The following NECTIN2 variants were observed in gnomAD, a reference collection of about 807,000 sequenced individuals.
NECTIN2 encodes nectin-2.
NECTIN2 carries 23 observed loss-of-function variants against 56.9 expected under a neutral mutation model. The ratio of observed to expected loss-of-function variants is 0.40; its 90% CI spans 0.29 to 0.57. NECTIN2 has a LOEUF of 0.57. NECTIN2 is among the 20% of genes least tolerant of loss of function. The probability of loss-of-function intolerance (pLI) is 0.38; values close to 1 mark genes in which losing one functional copy is unlikely to be tolerated. For missense variants in NECTIN2, 587 were observed against 718.3 expected (o/e 0.82, Z 2.09); for synonymous variants, 302 against 313.8 (o/e 0.96, Z 0.40).
At position 44,882,373 on chromosome 19, in the gene NECTIN2, T is replaced by C. The variant is rs778315475; in HGVS notation, c.1196+9T>C. The C allele has an allele frequency of 5.7e-6, 8 of 1,408,934 alleles. No homozygotes were observed. The highest frequency in any genetic ancestry group is 4.7e-6 in the Non-Finnish European group (5 of 1,067,520). 87.3% of individuals were successfully genotyped at this position (1,408,934 alleles called of 1,614,324 possible). A position where few individuals can be genotyped will look rare whatever the true frequency, so the allele number is the denominator to read the frequency against. ...GCAGAGGAGGACGAAGAGTAAGTGA[T>C]GGGCCCTGAGACGGGGATGGGAGAG... On this transcript the variant is annotated intron_variant, in intron 6 of 8. Coordinates refer to ENST00000252483, the MANE Select transcript of NECTIN2 (RefSeq NM_001042724.2).
At chr19:44,857,734 A>T in intron 1 of NECTIN2, among the ~76,000 whole-genome samples, 1 of 139,128 alleles carries the variant, frequency 7.2e-6, no homozygotes, top group Non-Finnish European at 1.5e-5. Context: ...TAAGAGATGA[A>T]GTCTCACTAT....
intron 1 of NECTIN2, among the ~76,000 whole-genome samples, chr19:44,859,366 C>T (rs553674281): frequency 6.6e-6 from 1 of 152,160 alleles, no homozygotes; most frequent in Non-Finnish European, 1.5e-5. Flanking sequence ...TATTATTAAC[C>T]TCACATCACA....
At chr19:44,885,404 C>A (rs185265870) in intron 6 of NECTIN2, among the ~76,000 whole-genome samples, 1 of 151,232 alleles carries the variant, frequency 6.6e-6, no homozygotes, top group Non-Finnish European at 1.5e-5. Context: ...CTCTGCCTCC[C>A]GAGTTCAAGC....
Position 44,880,475 on chromosome 19 carries a change from CTTTTTTTTTTTTT to C in NECTIN2, c.1043-1718_1043-1706del, listed in dbSNP as rs4013742. On this transcript the variant is annotated intron_variant, in intron 5 of 8. Coordinates refer to ENST00000252483, the MANE Select transcript of NECTIN2 (RefSeq NM_001042724.2). ...TTCTCGACCCCTTTTCCTGTCTTGC[CTTTTTTTTTTTTT>C]TTTTTTTTTTTTTTTTTGAGACGGT... 1.3e-3 allele frequency among the ~76,000 whole-genome samples: 90 copies of C among 68,876 alleles called. 2 individuals are homozygous for C. In the East Asian group the frequency reaches 0.029, roughly 22 times the overall value. The allele number at this position is 68,876 out of a possible 152,430, so 45.2% of individuals were successfully genotyped here. A position where few individuals can be genotyped will look rare whatever the true frequency, so the allele number is the denominator to read the frequency against.
chr19:44,853,638 G>A (rs12971462), intron 1 of NECTIN2, among the ~76,000 whole-genome samples: 30,816 of 151,378 alleles, frequency 0.2, 3,255 homozygotes, highest in Middle Eastern at 0.24. Context: ...ACGGGGGCCC[G>A]CCACCACGCC....
At chr19:44,871,264 C>T (rs952016888) in intron 2 of NECTIN2, among the ~76,000 whole-genome samples, 2 of 152,108 alleles carry the variant, frequency 1.3e-5, no homozygotes, top group Non-Finnish European at 1.5e-5. Context: ...CCAGGCCAGG[C>T]GCCTGTAACC....
At chr19:44,885,409 T>G (rs887240441) in intron 6 of NECTIN2, among the ~76,000 whole-genome samples, 1 of 151,368 alleles carries the variant, frequency 6.6e-6, no homozygotes, top group Non-Finnish European at 1.5e-5. Context: ...CCTCCCGAGT[T>G]CAAGCGATTC....
chr19:44,878,880 T>A, intron 5 of NECTIN2: 1 of 1,294,380 alleles, frequency 7.7e-7, no homozygotes, highest in Admixed American at 3.6e-5. Flanking sequence ...TGGTTTTGGC[T>A]CCAGCCTTCC....
chr19:44,868,351 CAAA>C (rs569384558), intron 2 of NECTIN2, among the ~76,000 whole-genome samples: 6 of 80,758 alleles, frequency 7.4e-5, no homozygotes, highest in Admixed American at 2.5e-4. Flanking sequence ...GACCCTGTCT[CAAA>C]AAAAAAAAAA....
In NECTIN2 at chr19:44,888,324, C is replaced by T; in HGVS notation, c.1562C>T (p.Pro521Leu). ...PIYDALSYSS[P>L]SDSYQGKGFV... The stretch of plus-strand genomic sequence containing the variant: ...TATGATGCTCTGTCCTATAGCAGCC[C>T]CTCTGATTCCTACCAGGGCAAAGGC... The change falls in exon 9 of 9, where the codon CCC becomes CTC. Residue 521 changes from proline to leucine, a missense_variant. Physicochemically the swap from Pro to Leu is moderately conservative, Grantham distance 98 (BLOSUM62 -3). Coordinates refer to ENST00000252483, the MANE Select transcript of NECTIN2 (RefSeq NM_001042724.2). 10 of 1,613,876 alleles carry T rather than the reference C, an allele frequency of 6.2e-6. No homozygotes were observed. Among genetic ancestry groups the T allele is most frequent in the Non-Finnish European group, 8.5e-6 (10 of 1,179,844 alleles).
intron 1 of NECTIN2, among the ~76,000 whole-genome samples, chr19:44,863,956 A>G (rs535995756): frequency 6.6e-6 from 1 of 151,784 alleles, no homozygotes; most frequent in African/African-American, 2.4e-5. Flanking sequence ...CAGCCTTTAA[A>G]TGTTTTAAAA....
At chr19:44,883,326 G>A (rs1419764832) in intron 6 of NECTIN2, among the ~76,000 whole-genome samples, 1 of 151,654 alleles carries the variant, frequency 6.6e-6, no homozygotes, top group Non-Finnish European at 1.5e-5. Context: ...CCTGGCTGGA[G>A]TGCCAAGGCG....
At chr19:44,857,707 T>G in intron 1 of NECTIN2, among the ~76,000 whole-genome samples, 1 of 117,086 alleles carries the variant, frequency 8.5e-6, no homozygotes, top group African/African-American at 3.4e-5. Context: ...GGGTTTTTGT[T>G]TTTGTTTTTT....
intron 2 of NECTIN2, among the ~76,000 whole-genome samples, chr19:44,868,111 C>T (rs1969123743): frequency 1.3e-5 from 2 of 151,806 alleles, no homozygotes; most frequent in Admixed American, 6.6e-5. Flanking sequence ...CCTGTAATCC[C>T]AGCACTTTAG....
chr19:44,887,712 C>G (rs929624590), intron 8 of NECTIN2, among the ~76,000 whole-genome samples: 4 of 152,130 alleles, frequency 2.6e-5, no homozygotes, highest in African/African-American at 9.7e-5. Flanking sequence ...GTGCCTGAAG[C>G]TGGGACAAGA....
At chr19:44,864,011 T>C (rs1032245064) in intron 1 of NECTIN2, among the ~76,000 whole-genome samples, 2 of 50,322 alleles carry the variant, frequency 4.0e-5, no homozygotes, top group African/African-American at 1.1e-4. Context: ...TTTCAGAGGA[T>C]TCCCCCCCCC....
chr19:44,874,465 C>A lies in NECTIN2; in HGVS notation c.1029C>A (p.Val343=). The A allele has an allele frequency of 6.2e-7, 1 of 1,613,692 alleles. No individual in the cohort carries two copies. Residue 343 remains valine (V), a synonymous_variant, in exon 5 of 9, where the codon GTC becomes GTA. Coordinates refer to ENST00000252483, the MANE Select transcript of NECTIN2 (RefSeq NM_001042724.2). This position sits in a 1 kb window ranked among gnomAD's most constrained non-coding sequence, Gnocchi z 6.3. The part of the protein sequence containing the change: ...NAVGMGRAEQ[V]IFVRETPNTA... ...TGGGCATGGGCCGCGCTGAGCAGGT[C>A]ATCTTTGTCCGAGGTGAGTGGGTCT...
At chr19:44,876,663 C>CATGG (rs1969241887) in intron 5 of NECTIN2, among the ~76,000 whole-genome samples, 1 of 152,168 alleles carries the variant, frequency 6.6e-6, no homozygotes, top group Non-Finnish European at 1.5e-5. Context: ...GTCACAGAGA[C>CATGG]ACAGTATGGA....
In NECTIN2 at chr19:44,874,445, A is replaced by G. The variant is rs1969213721; in HGVS notation, c.1009A>G (p.Met337Val). The G allele has an allele frequency of 1.2e-6, 2 of 1,614,044 alleles. No individual in the cohort carries two copies. Among genetic ancestry groups the G allele is most frequent in the South Asian group, 2.2e-5 (2 of 91,080 alleles). The part of the protein sequence containing the change: ...FVCTVTNAVG[M>V]GRAEQVIFVR... ...CTGCACAGTCACCAATGCCGTGGGC[A>G]TGGGCCGCGCTGAGCAGGTCATCTT... The change falls in exon 5 of 9, where the codon ATG becomes GTG. Residue 337 changes from methionine to valine, a missense_variant. Transcript: ENST00000252483. This position sits in a 1 kb window ranked among gnomAD's most constrained non-coding sequence, Gnocchi z 6.3.
Sources: allele counts gnomAD v4.1 joint callset (sites outside exome capture counted in the v4.1 genomes callset), GRCh38; gene constraint gnomAD v4.1.1; non-coding constraint Gnocchi (gnomAD v3.1); transcripts MANE v1.5; gene names NCBI Gene and HGNC (gene_info 2026-07-23, HGNC 2026-07-21).